Variants in HPSE2 observed in about 807,000 individuals in gnomAD.
HPSE2 encodes heparanase 2 (inactive).
HPSE2 carries 38 observed loss-of-function variants against 60.5 expected under a neutral mutation model. That is an observed-to-expected ratio of 0.63 (90% CI 0.48 to 0.82). The LOEUF (loss-of-function observed/expected upper bound fraction) is 0.82. HPSE2 is among the 40% of genes least tolerant of loss of function. HPSE2 has a pLI of 0.00. For synonymous variants in HPSE2, 295 were observed against 293.2 expected, an observed-to-expected ratio of 1.01 and a Z score of -0.06; for missense variants, 713 against 740.4, an observed-to-expected ratio of 0.96 and a Z score of 0.43.
intron 3 of HPSE2, among the ~76,000 whole-genome samples, chr10:98,803,838 G>A (rs1463068948): frequency 6.6e-6 from 1 of 151,676 alleles, no homozygotes; most frequent in Non-Finnish European, 1.5e-5. Context: ...CTTTAAAGTA[G>A]TTTTTTCCAA....
At chr10:98,832,306 G>T (rs1303094251) in intron 3 of HPSE2, among the ~76,000 whole-genome samples, 1 of 152,148 alleles carries the variant, frequency 6.6e-6, no homozygotes, top group Non-Finnish European at 1.5e-5. Flanking sequence ...ATTTGGGAAT[G>T]AGTTTAATCC....
chr10:99,080,414 T>C (rs530238578), intron 3 of HPSE2, among the ~76,000 whole-genome samples: 57 of 152,318 alleles, frequency 3.7e-4, no homozygotes, highest in Non-Finnish European at 5.9e-4. Context: ...AATACCATGG[T>C]ACATTTCCTT....
In HPSE2 at chr10:98,765,507, A is replaced by C. The variant is rs546722096; in HGVS notation, c.611-21451T>G. Among the ~76,000 whole-genome samples, 5 of 152,318 alleles carry C rather than the reference A, an allele frequency of 3.3e-5. No individual in the cohort carries two copies. In the East Asian group the frequency reaches 9.6e-4, roughly 29 times the overall value. On this transcript the variant is annotated intron_variant, in intron 3 of 11. Coordinates refer to ENST00000370552, the MANE Select transcript of HPSE2 (RefSeq NM_021828.5). ...GAAATTTGTGTGATGTAGCCAAAGC[A>C]GTGCTTACAGGAAAATTGATAGCAA...
chr10:98,958,186 A>C (rs956670127), intron 3 of HPSE2, among the ~76,000 whole-genome samples: 4 of 152,170 alleles, frequency 2.6e-5, no homozygotes, highest in African/African-American at 7.2e-5. Context: ...TATGTCACTC[A>C]CTGCACACTC....
chr10:99,238,692 T>C (rs146957380), upstream of HPSE2, among the ~76,000 whole-genome samples: 5 of 152,350 alleles, frequency 3.3e-5, no homozygotes, highest in Middle Eastern at 3.4e-3. Flanking sequence ...TACCATATCA[T>C]GGTTTTTGTC....
chr10:99,186,190 CAA>C (rs994206380), intron 2 of HPSE2, among the ~76,000 whole-genome samples: 6 of 148,532 alleles, frequency 4.0e-5, no homozygotes, highest in South Asian at 2.1e-4. Context: ...AAACCACAGA[CAA>C]AGAGAAAATC....
At chr10:98,769,594 C>T (rs80224363) in intron 3 of HPSE2, among the ~76,000 whole-genome samples, 1 of 152,096 alleles carries the variant, frequency 6.6e-6, no homozygotes, top group South Asian at 2.1e-4. Context: ...GCTAAATAAT[C>T]CAGGGAAGAG....
At chr10:99,253,040 A>G in the HPSE2 span, among the ~76,000 whole-genome samples, 5 of 152,338 alleles carry the variant, frequency 3.3e-5, no homozygotes, top group African/African-American at 9.6e-5. Flanking sequence ...CAATATTATA[A>G]AAATGGCCAT....
In HPSE2 at chr10:98,660,541, C is replaced by A. The variant is rs1947194677; in HGVS notation, c.1005-18601G>T. Among the ~76,000 whole-genome samples the A allele has an allele frequency of 2.0e-5, 3 of 152,166 alleles. No homozygotes were observed. The South Asian group carries it at 6.2e-4, about 32-fold the overall frequency. On this transcript the variant is annotated intron_variant, in intron 6 of 11. Coordinates refer to ENST00000370552, the MANE Select transcript of HPSE2 (RefSeq NM_021828.5). ...AAAAGGTGCCCCTGGCATGCCATAG[C>A]CTCTCCTGGCCATAGGAAAAATTTT... is the stretch of plus-strand genomic sequence containing the variant.
chr10:98,463,301 A>T (rs980525735), intron 11 of HPSE2, among the ~76,000 whole-genome samples: 17 of 152,194 alleles, frequency 1.1e-4, no homozygotes, highest in African/African-American at 3.9e-4. Flanking sequence ...AGATCCCGCC[A>T]GTCCCCCCTC....
chr10:98,562,672 A>G (rs10748741), intron 9 of HPSE2, among the ~76,000 whole-genome samples: 125,923 of 147,882 alleles, frequency 0.85, 54,805 homozygotes, highest in East Asian at 1. Flanking sequence ...CCGAGATTGC[A>G]CCACTGCACT....
chr10:98,999,638 C>A (rs928060449), intron 3 of HPSE2, among the ~76,000 whole-genome samples: 1 of 151,774 alleles, frequency 6.6e-6, no homozygotes, highest in Non-Finnish European at 1.5e-5. Flanking sequence ...TGGAGAGGAA[C>A]GGGAAAAGCA....
At chr10:99,314,866 A>G in the HPSE2 span, among the ~76,000 whole-genome samples, 1 of 152,324 alleles carries the variant, frequency 6.6e-6, no homozygotes, top group South Asian at 2.1e-4. Flanking sequence ...TCCCATGGTG[A>G]TCTATGATTT....
chr10:99,191,714 A>C (rs529549065), intron 2 of HPSE2, among the ~76,000 whole-genome samples: 232 of 152,368 alleles, frequency 1.5e-3, no homozygotes, highest in African/African-American at 5.3e-3. Context: ...ATCAACGCCC[A>C]GACACCAACG....
intron 3 of HPSE2, among the ~76,000 whole-genome samples, chr10:98,760,646 T>C (rs778936233): frequency 2.0e-5 from 3 of 152,124 alleles, no homozygotes; most frequent in Non-Finnish European, 2.9e-5. Context: ...GGAATAAATC[T>C]CACTTGATCA....
At chr10:98,725,439 T>G (rs1448132415) in intron 4 of HPSE2, among the ~76,000 whole-genome samples, 1 of 152,162 alleles carries the variant, frequency 6.6e-6, no homozygotes, top group East Asian at 1.9e-4. Flanking sequence ...TAGCCTTATG[T>G]AGAAAGCTGA....
intron 3 of HPSE2, among the ~76,000 whole-genome samples, chr10:98,825,668 A>T (rs1337691623): frequency 6.6e-6 from 1 of 152,060 alleles, no homozygotes; most frequent in African/African-American, 2.4e-5. Flanking sequence ...GTGTAAGTTG[A>T]TTATAGTGGT....
chr10:98,599,359 G>A (rs1435004806), intron 9 of HPSE2, among the ~76,000 whole-genome samples: 2 of 152,180 alleles, frequency 1.3e-5, no homozygotes, highest in African/African-American at 4.8e-5. Flanking sequence ...AGACTGCAGG[G>A]GTGGTTTGGA....
the HPSE2 span, among the ~76,000 whole-genome samples, chr10:99,264,937 T>C: frequency 6.6e-6 from 1 of 151,922 alleles, no homozygotes; most frequent in Non-Finnish European, 1.5e-5. Context: ...CCCCCCAAAA[T>C]TTTCACCTCC....
Sources: gnomAD v4.1 joint callset for allele counts (sites outside exome capture counted in the v4.1 genomes callset) on GRCh38, gnomAD v4.1.1 for gene constraint, MANE v1.5 for transcripts, NCBI Gene and HGNC (gene_info 2026-07-23, HGNC 2026-07-21) for gene names.